Variants in OSER1 observed in about 807,000 individuals in gnomAD.
OSER1 encodes oxidative stress-responsive serine-rich protein 1.
OSER1 carries 15 observed loss-of-function variants against 26.3 expected under a neutral mutation model. The ratio of observed to expected loss-of-function variants is 0.57; its 90% confidence interval spans 0.38 to 0.88. The LOEUF (loss-of-function observed/expected upper bound fraction) is 0.88. OSER1 is among the 40% of genes least tolerant of loss of function. The pLI is 0.00. For synonymous variants in OSER1, 127 were observed against 128.2 expected (o/e 0.99, Z 0.07); for missense variants, 313 against 353.9 (o/e 0.88, Z 0.93).
chr20:44,206,917 T>C lies in OSER1; in HGVS notation c.41A>G (p.Gln14Arg), dbSNP rs2073043214. The change falls in exon 2 of 4, where the codon CAG becomes CGG. Residue 14 changes from glutamine to arginine, a missense_variant. Around this residue, in one of 2 missense-constraint regions of OSER1, gnomAD observed 300 missense variants for 318.3 expected, o/e 0.94. Transcript: ENST00000255174. ...EAKDGEEESLQTAFKKLRVDA... is the reference protein window; with the variant it reads ...EAKDGEEESLRTAFKKLRVDA... Reference sequence around the variant, plus strand: ...CACTCTTAATTTTTTGAAAGCAGTCTGTAGACTCTCCTCCTCTCCATCCTT... The same window carrying C: ...CACTCTTAATTTTTTGAAAGCAGTCCGTAGACTCTCCTCCTCTCCATCCTT... 1 of 1,587,354 alleles carries C rather than the reference T, an allele frequency of 6.3e-7. No individual in the cohort carries two copies. The highest frequency in any genetic ancestry group is 8.7e-7 in the Non-Finnish European group (1 of 1,156,030).
At chr20:44,204,517 T>C (rs149002463) in intron 2 of OSER1, among the ~76,000 whole-genome samples, 175 of 152,298 alleles carry the variant, frequency 1.1e-3, no homozygotes, top group African/African-American at 3.9e-3. Context: ...GCTACAAATA[T>C]ATAATTTTTT....
chr20:44,203,798 T>C (rs905856998), intron 2 of OSER1, among the ~76,000 whole-genome samples: 1 of 151,094 alleles, frequency 6.6e-6, no homozygotes, highest in African/African-American at 2.4e-5. Context: ...TCTACTAAAA[T>C]GAAAGGATGT....
At chr20:44,209,389 G>A (rs528604101) in intron 1 of OSER1, among the ~76,000 whole-genome samples, 1 of 152,206 alleles carries the variant, frequency 6.6e-6, no homozygotes, top group African/African-American at 2.4e-5. Context: ...CTAGAGAAGA[G>A]CATGTTTGTA....
chr20:44,203,694 TCACACACACACACACACA>T (rs139060435), intron 2 of OSER1, among the ~76,000 whole-genome samples: 1 of 145,362 alleles, frequency 6.9e-6, no homozygotes, highest in Non-Finnish European at 1.5e-5. Context: ...CAGACTTTTT[TCACACACACACACACACA>T]CACACACACA....
rs1569234671 is a variant in OSER1, at chr20:44,197,474, A to C, written c.457T>G (p.Ser153Ala). 1 of 1,614,194 alleles carries C rather than the reference A, an allele frequency of 6.2e-7. No homozygotes were observed. Among genetic ancestry groups the C allele is most frequent in the East Asian group, 2.2e-5 (1 of 44,884 alleles). The change falls in exon 4 of 4, where the codon TCT (serine) becomes GCT (alanine). Residue 153 changes from serine to alanine, a missense_variant. Around this residue, in one of 2 missense-constraint regions of OSER1, gnomAD observed 300 missense variants for 318.3 expected, o/e 0.94. Coordinates refer to ENST00000255174, the MANE Select transcript of OSER1 (RefSeq NM_016470.8). Reference protein sequence around the residue: ...TGAVVEPLRTSVPRLPSESKK... With the variant: ...TGAVVEPLRTAVPRLPSESKK... ...CTCTCTGATGGGAGCCTTGGAACAG[A>C]AGTTCTCAAAGGCTCAACGACTGCC...
At chr20:44,210,432 C>CGGCGGAGGAGCGAGACGG (rs1452166012) in intron 1 of OSER1, among the ~76,000 whole-genome samples, 1 of 152,110 alleles carries the variant, frequency 6.6e-6, no homozygotes, top group Non-Finnish European at 1.5e-5. Context: ...GGGCGGGAGA[C>CGGCGGAGGAGCGAGACGG]GGCGGAGGAG....
At chr20:44,204,591 G>C (rs2073020323) in intron 2 of OSER1, among the ~76,000 whole-genome samples, 1 of 152,048 alleles carries the variant, frequency 6.6e-6, no homozygotes, top group Non-Finnish European at 1.5e-5. Context: ...GGGTATACTG[G>C]ACCCAGGTAG....
At chr20:44,208,571 G>C (rs986089138) in intron 1 of OSER1, among the ~76,000 whole-genome samples, 9 of 152,212 alleles carry the variant, frequency 5.9e-5, no homozygotes, top group African/African-American at 2.2e-4. Flanking sequence ...TGCTTCACTA[G>C]TCTCTAATTC....
rs900016630 is a variant in OSER1, at chr20:44,204,403, CCTTCT to C, written c.78-1334_78-1330del. 7.2e-5 allele frequency among the ~76,000 whole-genome samples: 11 copies of C among 152,304 alleles called. 1 individual carries two copies. The highest frequency in any genetic ancestry group is 1.9e-4 in the East Asian group (1 of 5,190). On this transcript the variant is annotated intron_variant, in intron 2 of 3. Transcript: ENST00000255174. ...TGCTTAGTCATGCTAATGACTCACCCCTTCTCTTATTTCATTTTCTCAAATATTCT... is the reference window on the plus strand; with the variant it reads ...TGCTTAGTCATGCTAATGACTCACCCCTTATTTCATTTTCTCAAATATTCT...
In OSER1 at chr20:44,206,960, T is replaced by C. The variant is rs2145938365; in HGVS notation, c.-3A>G. 2 of 1,605,656 alleles carry C rather than the reference T, an allele frequency of 1.2e-6. No homozygotes were observed. The highest frequency in any genetic ancestry group is 2.2e-5 in the East Asian group (1 of 44,788). On this transcript the variant is annotated 5_prime_UTR_variant, in exon 2 of 4. Transcript: ENST00000255174. ...CCATCCTTGGCTTCGGATTTCATTG[T>C]GCAAGTTTTTACACTACTTATCGAT...
chr20:44,208,254 G>A (rs2073058906), intron 1 of OSER1, among the ~76,000 whole-genome samples: 3 of 151,796 alleles, frequency 2.0e-5, no homozygotes, highest in Admixed American at 2.0e-4. Flanking sequence ...CAAAGGTCAA[G>A]GTGTCATAAT....
chr20:44,208,194 T>C (rs1364124691), intron 1 of OSER1, among the ~76,000 whole-genome samples: 3 of 141,362 alleles, frequency 2.1e-5, no homozygotes, highest in African/African-American at 7.8e-5. Context: ...GATTCATATC[T>C]GCTCGTTTCT....
In OSER1 at chr20:44,197,538, T is replaced by G. The variant is rs1311332314; in HGVS notation, c.393A>C (p.Ala131=). ...LGISSPKEFS[A]GESSTSLDAN... is the part of the protein sequence containing the mutation. ...CATCGAGAGAAGTAGAGCTTTCTCC[T>G]GCACTGAACTCTTTAGGGGATGAAA... The change falls in exon 4 of 4, where the codon GCA becomes GCC. Residue 131 remains alanine (A), a synonymous_variant. Transcript: ENST00000255174. 3.1e-6 allele frequency: 5 copies of G among 1,614,088 alleles called. No homozygotes were observed. The highest frequency in any genetic ancestry group is 4.2e-6 in the Non-Finnish European group (5 of 1,179,960).
chr20:44,201,967 C>G (rs1402084890), intron 3 of OSER1, among the ~76,000 whole-genome samples: 1 of 152,164 alleles, frequency 6.6e-6, no homozygotes, highest in Admixed American at 6.5e-5. Context: ...TGTAAATGCA[C>G]TAAACTCAGC....
chr20:44,198,303 A>G lies in OSER1; in HGVS notation c.192-564T>C, dbSNP rs538102913. ...TCAGATACTGGGAATTACTGGACACACTATGTAAGATAACTATTTATAAAA... is the reference window on the plus strand; with the variant it reads ...TCAGATACTGGGAATTACTGGACACGCTATGTAAGATAACTATTTATAAAA... On this transcript the variant is annotated intron_variant, in intron 3 of 3. Coordinates refer to ENST00000255174, the MANE Select transcript of OSER1 (RefSeq NM_016470.8). 2.0e-5 allele frequency among the ~76,000 whole-genome samples: 3 copies of G among 152,322 alleles called. No individual in the cohort carries two copies. The East Asian group carries it at 5.8e-4, about 29-fold the overall frequency.
chr20:44,196,139 A>T lies in OSER1; in HGVS notation c.*913T>A, dbSNP rs1259323373. Among the ~76,000 whole-genome samples the T allele has an allele frequency of 1.3e-5, 2 of 151,940 alleles. No individual in the cohort carries two copies. Among genetic ancestry groups the T allele is most frequent in the Non-Finnish European group, 2.9e-5 (2 of 67,990 alleles). On this transcript the variant is annotated 3_prime_UTR_variant, in exon 4 of 4. Transcript: ENST00000255174. ...ACCGAAGACAGATTTTTTTTTTACC[A>T]AACTGGAGGGAATTTTGAAATGGCT... is the stretch of plus-strand genomic sequence containing the variant.
chr20:44,208,289 T>C (rs1367529454), intron 1 of OSER1, among the ~76,000 whole-genome samples: 1 of 152,094 alleles, frequency 6.6e-6, no homozygotes, highest in Non-Finnish European at 1.5e-5. Flanking sequence ...AACCATTATA[T>C]TATTGTAGTA....
Position 44,196,316 on chromosome 20 carries a change from C to T in OSER1, c.*736G>A, listed in dbSNP as rs1026172321. Reference sequence around the variant, plus strand: ...TAACAAAAAAAAAAAAAAAAAACCGCCATATATTTAAAATGCTGGAGATGG... The same window carrying T: ...TAACAAAAAAAAAAAAAAAAAACCGTCATATATTTAAAATGCTGGAGATGG... On this transcript the variant is annotated 3_prime_UTR_variant, in exon 4 of 4. Transcript: ENST00000255174. Among the ~76,000 whole-genome samples the T allele has an allele frequency of 2.7e-5, 4 of 148,386 alleles. No individual in the cohort carries two copies. The highest frequency in any genetic ancestry group is 1.0e-4 in the African/African-American group (4 of 39,790).
intron 2 of OSER1, among the ~76,000 whole-genome samples, chr20:44,204,889 G>A (rs1419973638): frequency 6.6e-6 from 1 of 151,886 alleles, no homozygotes; most frequent in Non-Finnish European, 1.5e-5. Context: ...GCAGGCCGGA[G>A]TGCAGTGGCA....
Sources: allele counts gnomAD v4.1 joint callset (sites outside exome capture counted in the v4.1 genomes callset), GRCh38; gene constraint gnomAD v4.1.1; regional missense constraint gnomAD v4.1.1; transcripts MANE v1.5; gene names NCBI Gene and HGNC (gene_info 2026-07-23, HGNC 2026-07-21).